The following NUAK1 variants were observed in gnomAD, a reference collection of about 807,000 sequenced individuals.
The protein encoded by NUAK1 is NUAK family kinase 1.
NUAK1 carries 26 observed loss-of-function variants against 56.9 expected under a neutral mutation model. The observed-to-expected ratio is 0.46, with a 90% CI of 0.33 to 0.63. The LOEUF is 0.63. Among genes scored for constraint, NUAK1 ranks in the 30% least tolerant of loss-of-function variants. The pLI is 0.02. For missense variants in NUAK1, 727 were observed against 876.1 expected, an observed-to-expected ratio of 0.83 and a Z score of 2.15; for synonymous variants, 337 against 336.0, an observed-to-expected ratio of 1.00 and a Z score of -0.03.
At chr12:106,109,718 T>A (rs548484351) in intron 1 of NUAK1, among the ~76,000 whole-genome samples, 2 of 152,276 alleles carry the variant, frequency 1.3e-5, no homozygotes, top group Admixed American at 1.3e-4. Context: ...TGTGTGACCC[T>A]GGGCAGGTTA....
chr12:106,105,538 T>C (rs2032791997), intron 2 of NUAK1, among the ~76,000 whole-genome samples: 1 of 152,094 alleles, frequency 6.6e-6, no homozygotes, highest in South Asian at 2.1e-4. Flanking sequence ...ACAGAAAAGA[T>C]GCACGAGACA....
intron 1 of NUAK1, among the ~76,000 whole-genome samples, chr12:106,120,450 A>G (rs989323918): frequency 1.3e-5 from 2 of 152,134 alleles, no homozygotes; most frequent in Non-Finnish European, 2.9e-5. Context: ...CGTTATGCAG[A>G]GGCGTGTGCA....
intron 6 of NUAK1, among the ~76,000 whole-genome samples, chr12:106,069,852 A>G (rs2032385950): frequency 1.3e-5 from 2 of 152,190 alleles, no homozygotes; most frequent in African/African-American, 2.4e-5. Context: ...TGTTAACTTC[A>G]TTTGTTAACA....
intron 2 of NUAK1, among the ~76,000 whole-genome samples, chr12:106,101,047 GAGAGA>G (rs548129941): frequency 6.6e-6 from 1 of 152,222 alleles, no homozygotes; most frequent in Non-Finnish European, 1.5e-5. Flanking sequence ...CCGGCTTCCA[GAGAGA>G]AGGTTCCCCT....
intron 2 of NUAK1, among the ~76,000 whole-genome samples, chr12:106,091,442 G>A (rs559384979): frequency 2.0e-5 from 3 of 152,302 alleles, no homozygotes; most frequent in South Asian, 4.1e-4. Flanking sequence ...GATGGCACTG[G>A]GGATACCGAA....
Position 106,083,916 on chromosome 12 carries a change from T to C in NUAK1, c.527A>G (p.His176Arg), listed in dbSNP as rs761888968. 1 of 1,614,044 alleles carries C rather than the reference T, an allele frequency of 6.2e-7. No homozygotes were observed. Among genetic ancestry groups the C allele is most frequent in the Non-Finnish European group, 8.5e-7 (1 of 1,179,948 alleles). Residue 176 changes from histidine (H) to arginine (R), a missense_variant, in exon 4 of 7, where the codon CAC becomes CGC. Coordinates refer to ENST00000261402, the MANE Select transcript of NUAK1 (RefSeq NM_014840.3). ...VHYCHKNGVVHRDLKLENILL... is the reference protein window; with the variant it reads ...VHYCHKNGVVRRDLKLENILL... ...TATATTTTCCAGCTTCAAGTCCCGG[T>C]GGACCACACCGTTCTGAAATGAGAA...
rs1290097922 is a variant in NUAK1 at position 106,138,672 on chromosome 12, C to A, written c.-19G>T. ...CTTCCATGTCCAAGCGCGGGGCGAG[C>A]CGGGCTACAGAGGGCAAGACCGGGC... On this transcript the variant is annotated 5_prime_UTR_variant, in exon 1 of 7. Coordinates refer to ENST00000261402, the MANE Select transcript of NUAK1 (RefSeq NM_014840.3). The surrounding 1 kb of genome is among the most constrained non-coding windows in gnomAD (Gnocchi z 5.0). 2.0e-6 allele frequency: 3 copies of A among 1,502,978 alleles called. No homozygotes were observed. Among genetic ancestry groups the A allele is most frequent in the African/African-American group, 2.8e-5 (2 of 72,388 alleles). The allele number at this position is 1,502,978 out of a possible 1,614,324, so 93.1% of individuals were successfully genotyped here.
In NUAK1 at chr12:106,138,868, C is replaced by CG. The variant is rs1565930678; in HGVS notation, c.-216_-215insC. The CG allele has an allele frequency of 9.5e-6, 5 of 527,376 alleles. No individual in the cohort carries two copies. The South Asian group carries it at 3.3e-4, about 35-fold the overall frequency. The allele number at this position is 527,376 out of a possible 1,614,324, so 32.7% of individuals were successfully genotyped here. Reference sequence around the variant, plus strand: ...GCGCGCACGGTCCGCGCACCGCCCCCCGGCCGCGGCGAGCTGTGGAGCGTC... The same window carrying CG: ...GCGCGCACGGTCCGCGCACCGCCCCCGCGGCCGCGGCGAGCTGTGGAGCGTC... On this transcript the variant is annotated 5_prime_UTR_variant, in exon 1 of 7. Transcript: ENST00000261402. This position sits in a 1 kb window ranked among gnomAD's most constrained non-coding sequence, Gnocchi z 5.0.
chr12:106,078,683 C>T, intron 4 of NUAK1, among the ~76,000 whole-genome samples: 1 of 152,204 alleles, frequency 6.6e-6, no homozygotes, highest in African/African-American at 2.4e-5. Flanking sequence ...CTTCTGTCTT[C>T]AGAGGATCTA....
chr12:106,078,306 T>C (rs192360509), intron 4 of NUAK1, among the ~76,000 whole-genome samples: 1 of 152,346 alleles, frequency 6.6e-6, no homozygotes, highest in African/African-American at 2.4e-5. Context: ...ATTGATGTAG[T>C]AAATTCTCAC....
Position 106,106,411 on chromosome 12 carries a change from A to G in NUAK1, c.355T>C (p.Tyr119His). 1.2e-6 allele frequency: 2 copies of G among 1,605,948 alleles called. No homozygotes were observed. The highest frequency in any genetic ancestry group is 2.2e-5 in the South Asian group (2 of 89,232). ...AAAAAAAAAAATCACTGACCTTCAT[A>G]AATACTGATGATATGAGGATGGTTG... ...SLNHPHIISI[Y>H]EVFENKDKIV... Residue 119 changes from tyrosine to histidine, a missense_variant, in exon 2 of 7, where the codon TAT (tyrosine) becomes CAT (histidine). Coordinates refer to ENST00000261402, the MANE Select transcript of NUAK1 (RefSeq NM_014840.3).
intron 3 of NUAK1, among the ~76,000 whole-genome samples, chr12:106,084,288 G>T (rs2032550299): frequency 1.3e-5 from 2 of 152,206 alleles, no homozygotes; most frequent in East Asian, 3.9e-4. Context: ...GTCTGGACGG[G>T]ATTCCCAGGG....
chr12:106,104,439 T>C (rs1007804018), intron 2 of NUAK1, among the ~76,000 whole-genome samples: 1 of 152,196 alleles, frequency 6.6e-6, no homozygotes, highest in Non-Finnish European at 1.5e-5. Context: ...GCTTTCAAAT[T>C]TCTAACTTCA....
At chr12:106,110,668 T>C (rs2032849965) in intron 1 of NUAK1, among the ~76,000 whole-genome samples, 1 of 152,194 alleles carries the variant, frequency 6.6e-6, no homozygotes, top group Non-Finnish European at 1.5e-5. Flanking sequence ...ACTCAGGTGT[T>C]TGAGCCCGAC....
At chr12:106,131,793 C>T (rs894794210) in intron 1 of NUAK1, among the ~76,000 whole-genome samples, 6 of 152,032 alleles carry the variant, frequency 3.9e-5, no homozygotes, top group African/African-American at 1.4e-4. Flanking sequence ...AAAAGTTTAC[C>T]GAAGAGTTTC....
chr12:106,072,912 A>T, intron 4 of NUAK1, 69 bp from the exon 5 acceptor site: 1 of 1,581,752 alleles, frequency 6.3e-7, no homozygotes, highest in South Asian at 1.1e-5. Context: ...GGATCAGTTC[A>T]CACCACACAG....
intron 1 of NUAK1, among the ~76,000 whole-genome samples, chr12:106,119,472 C>T (rs536402535): frequency 5.3e-5 from 8 of 152,242 alleles, no homozygotes; most frequent in South Asian, 2.1e-4. Context: ...CCATGCACGG[C>T]GCCCCTGCAG....
Position 106,110,392 on chromosome 12 carries a change from G to T in NUAK1, c.241-3867C>A, listed in dbSNP as rs561929793. On this transcript the variant is annotated intron_variant, in intron 1 of 6. Transcript: ENST00000261402. ...CTCAAGGTGGGAGGTGGGGTGGGGAGGGTACGGGCAATAAGCAAAACTCAC... is the reference window on the plus strand; with the variant it reads ...CTCAAGGTGGGAGGTGGGGTGGGGATGGTACGGGCAATAAGCAAAACTCAC... 1.2e-4 allele frequency among the ~76,000 whole-genome samples: 18 copies of T among 152,306 alleles called. No individual in the cohort carries two copies. The East Asian group carries it at 1.7e-3, about 15-fold the overall frequency.
intron 2 of NUAK1, among the ~76,000 whole-genome samples, chr12:106,094,719 C>T (rs947589390): frequency 1.3e-5 from 2 of 152,192 alleles, no homozygotes; most frequent in African/African-American, 4.8e-5. Context: ...GCCAATGAGG[C>T]CACCCACTGC....
Sources: gnomAD v4.1 joint callset for allele counts (sites outside exome capture counted in the v4.1 genomes callset) on GRCh38, gnomAD v4.1.1 for gene constraint, Gnocchi (gnomAD v3.1) non-coding constraint, MANE v1.5 for transcripts, NCBI Gene and HGNC (gene_info 2026-07-23, HGNC 2026-07-21) for gene names.